Variants in STRN3 observed in about 807,000 individuals in gnomAD.
The protein encoded by STRN3 is striatin-3.
A neutral mutation model predicts 95.6 loss-of-function variants in STRN3; 29 were observed. The observed-to-expected ratio is 0.30, with a 90% confidence interval of 0.23 to 0.41. The LOEUF is 0.41. Ranked by LOEUF, STRN3 falls within the 10% of genes least tolerant of loss-of-function variation. The pLI, the probability that STRN3 is intolerant of heterozygous loss-of-function variation, is 1.00. For synonymous variants in STRN3, 331 were observed against 357.6 expected (o/e 0.93, Z 0.84); for missense variants, 890 against 972.1 (o/e 0.92, Z 1.12).
At chr14:30,926,510 G>C (rs2139039967) in intron 8 of STRN3, among the ~76,000 whole-genome samples, 1 of 151,784 alleles carries the variant, frequency 6.6e-6, no homozygotes. Context: ...GATTTTTATA[G>C]TTTTTCTTTA....
intron 13 of STRN3, among the ~76,000 whole-genome samples, chr14:30,908,128 T>C (rs1312057679): frequency 6.6e-6 from 1 of 152,142 alleles, no homozygotes; most frequent in African/African-American, 2.4e-5. Flanking sequence ...TAATACCAGA[T>C]GTCACTAACT....
chr14:30,985,414 G>T (rs143136583), intron 1 of STRN3, among the ~76,000 whole-genome samples: 2,785 of 152,078 alleles, frequency 0.018, 80 homozygotes, highest in African/African-American at 0.063. Context: ...GACCAACCTG[G>T]CCAACATCAT....
chr14:30,916,799 T>C (rs1338135771), intron 9 of STRN3, among the ~76,000 whole-genome samples: 1 of 152,174 alleles, frequency 6.6e-6, no homozygotes, highest in Non-Finnish European at 1.5e-5. Flanking sequence ...ACAATACTAG[T>C]ATAACGGGTC....
chr14:30,929,258 T>C lies in STRN3; in HGVS notation c.1042A>G (p.Ile348Val). 6.2e-7 allele frequency: 1 copy of C among 1,613,666 alleles called. No homozygotes were observed. Among genetic ancestry groups the C allele is most frequent in the South Asian group, 1.1e-5 (1 of 91,046 alleles). The change falls in exon 8 of 18, where the codon ATA (isoleucine) becomes GTA (valine). Residue 348 changes from isoleucine to valine, a missense_variant. Ile to Val is a conservative substitution (Grantham distance 29). This residue lies in a region of STRN3 where 526 missense variants were observed against 526.3 expected (regional missense o/e 1.00). Transcript: ENST00000357479. ...AEVWDVDQGL[I>V]SKLKEQYKKE... ...TTGTACTGTTCCTTCAGTTTACTTA[T>C]TAGTCCCTGGTCTACATCCCAAACC...
At chr14:30,942,926 A>G (rs963896244) in intron 5 of STRN3, among the ~76,000 whole-genome samples, 3 of 152,236 alleles carry the variant, frequency 2.0e-5, no homozygotes, top group Non-Finnish European at 4.4e-5. Context: ...TCATTTTACA[A>G]ATAAGGAAAG....
intron 10 of STRN3, among the ~76,000 whole-genome samples, chr14:30,913,169 C>G (rs143179659): frequency 1.3e-5 from 2 of 151,930 alleles, no homozygotes; most frequent in Non-Finnish European, 2.9e-5. Context: ...ATAAAACATG[C>G]TTTTTAAGAA....
chr14:30,967,214 A>G (rs1880561804), intron 1 of STRN3, among the ~76,000 whole-genome samples: 1 of 128,800 alleles, frequency 7.8e-6, no homozygotes, highest in African/African-American at 2.9e-5. Flanking sequence ...AGAGAGACAC[A>G]GAGGGGAAAG....
At chr14:31,025,627 G>T in intron 1 of STRN3, 1 of 510,206 alleles carries the variant, frequency 2.0e-6, no homozygotes, top group Non-Finnish European at 3.5e-6. Flanking sequence ...GCCGCCTCCG[G>T]AGGAGCCCCC....
intron 1 of STRN3, among the ~76,000 whole-genome samples, chr14:30,999,636 G>A (rs528473194): frequency 1.3e-5 from 2 of 152,096 alleles, no homozygotes; most frequent in South Asian, 4.1e-4. Flanking sequence ...GAACCAGAAA[G>A]AACAAATAAT....
chr14:30,947,727 T>A (rs1879434198), intron 4 of STRN3, among the ~76,000 whole-genome samples: 1 of 152,138 alleles, frequency 6.6e-6, no homozygotes, highest in African/African-American at 2.4e-5. Context: ...AACTAGAGAT[T>A]GATGAACACA....
chr14:30,902,136 A>G (rs1432415217), intron 16 of STRN3, among the ~76,000 whole-genome samples: 1 of 130,548 alleles, frequency 7.7e-6, no homozygotes, highest in Non-Finnish European at 1.6e-5. Flanking sequence ...GCACCATTGC[A>G]CACCAGCCTG....
At chr14:30,960,868 C>CAA (rs56227331) in intron 1 of STRN3, among the ~76,000 whole-genome samples, 7,304 of 45,486 alleles carry the variant, frequency 0.16, 661 homozygotes, top group South Asian at 0.3. Context: ...GACTCCATCT[C>CAA]AAAAAAAAAA....
chr14:30,983,275 G>A (rs996946749), intron 1 of STRN3, among the ~76,000 whole-genome samples: 2 of 152,220 alleles, frequency 1.3e-5, no homozygotes, highest in African/African-American at 4.8e-5. Flanking sequence ...GGGTGCAGTG[G>A]CTCATGCCTG....
rs2139377245 is a variant in STRN3, at chr14:31,025,976, G to A, written c.210C>T (p.His70=). The A allele has an allele frequency of 5.1e-6, 8 of 1,580,384 alleles. No individual in the cohort carries two copies. The highest frequency in any genetic ancestry group is 6.0e-6 in the Non-Finnish European group (7 of 1,164,174). The part of the protein sequence containing the change: ...PQQYTIPGIL[H]YIQHEWARFE... ...ACCGAGCCCACTCGTGCTGGATGTA[G>A]TGCAGTATCCCCGGGATAGTGTACT... is the stretch of plus-strand genomic sequence containing the variant. Residue 70 remains histidine, a synonymous_variant, in exon 1 of 18, where the codon CAC becomes CAT. Coordinates refer to ENST00000357479, the MANE Select transcript of STRN3 (RefSeq NM_001083893.2).
At chr14:31,002,913 T>G (rs1344749613) in intron 1 of STRN3, among the ~76,000 whole-genome samples, 3 of 152,044 alleles carry the variant, frequency 2.0e-5, no homozygotes, top group Non-Finnish European at 4.4e-5. Flanking sequence ...GAGATGATGG[T>G]AGTAAAGGTT....
At chr14:30,971,386 G>C (rs1880819914) in intron 1 of STRN3, among the ~76,000 whole-genome samples, 1 of 152,132 alleles carries the variant, frequency 6.6e-6, no homozygotes, top group Admixed American at 6.6e-5. Flanking sequence ...AGTCCCATGA[G>C]GAATACCAGA....
At chr14:30,941,637 TC>T (rs144044161) in intron 5 of STRN3, among the ~76,000 whole-genome samples, 1 of 151,920 alleles carries the variant, frequency 6.6e-6, no homozygotes, top group African/African-American at 2.4e-5. Context: ...ACTTTTTTTT[TC>T]CCCCCAAGAT....
intron 8 of STRN3, among the ~76,000 whole-genome samples, chr14:30,925,165 G>T (rs896410294): frequency 3.6e-4 from 54 of 149,238 alleles, no homozygotes; most frequent in Admixed American, 3.5e-3. Context: ...AAGAAATACT[G>T]AAGTGGGTCT....
chr14:30,955,572 T>TA (rs779414378), intron 3 of STRN3, 48 bp downstream of exon 3: 1 of 1,482,342 alleles, frequency 6.7e-7, no homozygotes, highest in Non-Finnish European at 9.1e-7. Context: ...GTCTGTTACA[T>TA]AAAAAATGAA....
Sources: gnomAD v4.1 joint callset for allele counts (sites outside exome capture counted in the v4.1 genomes callset) on GRCh38, gnomAD v4.1.1 for gene constraint, gnomAD v4.1.1 regional missense constraint, MANE v1.5 for transcripts, NCBI Gene and HGNC (gene_info 2026-07-23, HGNC 2026-07-21) for gene names.